ALG9: variants seen among roughly 807,000 people sequenced by gnomAD.
ALG9 encodes the protein ALG9 alpha-1,2-mannosyltransferase.
In ALG9, 55 loss-of-function variants were observed where a neutral mutation model predicts 81.8. The ratio of observed to expected loss-of-function variants is 0.67; its 90% CI spans 0.54 to 0.84. ALG9 has a LOEUF of 0.84. Ranked by LOEUF, ALG9 falls within the 40% of genes least tolerant of loss-of-function variation. The pLI, the probability that ALG9 is intolerant of heterozygous loss-of-function variation, is 0.00. For missense variants in ALG9, 629 were observed against 745.0 expected, an observed-to-expected ratio of 0.84 and a Z score of 1.81; for synonymous variants, 278 against 274.3, an observed-to-expected ratio of 1.01 and a Z score of -0.13.
At chr11:111,794,152 G>T (rs1947890687) in intron 14 of ALG9, among the ~76,000 whole-genome samples, 1 of 152,224 alleles carries the variant, frequency 6.6e-6, no homozygotes, top group African/African-American at 2.4e-5. Flanking sequence ...TTCGGCGGTG[G>T]AGATTTAAAT....
intron 13 of ALG9, among the ~76,000 whole-genome samples, chr11:111,815,693 AC>A (rs1951376380): frequency 6.6e-6 from 1 of 152,206 alleles, no homozygotes; most frequent in African/African-American, 2.4e-5. Flanking sequence ...TTTTTCTTAT[AC>A]CTCATTTTCT....
At position 111,784,583 on chromosome 11, in the gene ALG9, T is replaced by A. The variant is rs1426849365; in HGVS notation, c.*1814A>T. 6.6e-6 allele frequency: 1 copy of A among 152,218 alleles called. No homozygotes were observed. The highest frequency in any genetic ancestry group is 1.5e-5 in the Non-Finnish European group (1 of 68,072). 9.4% of individuals were successfully genotyped at this position (152,218 alleles called of 1,614,324 possible). ...AAATACATAAATTAGCTGGGCATGATGGCGCATGCCTGTAATCCCAGCTAC... is the reference window on the plus strand; with the variant it reads ...AAATACATAAATTAGCTGGGCATGAAGGCGCATGCCTGTAATCCCAGCTAC... On this transcript the variant is annotated 3_prime_UTR_variant, in exon 15 of 15. Coordinates refer to ENST00000616540, the MANE Select transcript of ALG9 (RefSeq NM_024740.2).
At chr11:111,837,805 A>T (rs1211054455) in intron 11 of ALG9, among the ~76,000 whole-genome samples, 190 bp from the exon 12 acceptor site, 2 of 152,214 alleles carry the variant, frequency 1.3e-5, no homozygotes, top group African/African-American at 2.4e-5. Context: ...CGGTTACAGC[A>T]GAGGCCCTAT....
intron 14 of ALG9, among the ~76,000 whole-genome samples, chr11:111,795,072 G>A (rs1948052001): frequency 6.6e-6 from 1 of 152,114 alleles, no homozygotes; most frequent in South Asian, 2.1e-4. Context: ...ATCCAAAAGA[G>A]GAGTTCCATG....
intron 14 of ALG9, among the ~76,000 whole-genome samples, chr11:111,805,906 G>C (rs1474290728): frequency 2.0e-5 from 3 of 152,140 alleles, no homozygotes; most frequent in Non-Finnish European, 4.4e-5. Context: ...GTTGGAGTTG[G>C]AGTGCAGTGG....
chr11:111,868,308 C>T (rs1555155199), intron 3 of ALG9, among the ~76,000 whole-genome samples: 1 of 152,140 alleles, frequency 6.6e-6, no homozygotes, highest in African/African-American at 2.4e-5. Context: ...TGTACTTTTC[C>T]TCCATAAGAC....
intron 14 of ALG9, 26 bp from the exon 15 acceptor site, chr11:111,786,546 A>G: frequency 3.7e-6 from 6 of 1,612,610 alleles, no homozygotes; most frequent in South Asian, 1.1e-5. Flanking sequence ...TAAAAAAAAG[A>G]ATTTTATCAC....
chr11:111,782,157 A>G (rs1279603323), downstream of ALG9: 4 of 152,238 alleles, frequency 2.6e-5, no homozygotes, highest in African/African-American at 4.8e-5. Flanking sequence ...GAAAGATTTA[A>G]AAGCAAAAGA....
chr11:111,870,771 T>A (rs781975461), intron 1 of ALG9: 57 of 1,009,872 alleles, frequency 5.6e-5, no homozygotes, highest in Non-Finnish European at 6.6e-5. Context: ...AACTAATCAC[T>A]CACTTGAAGG....
chr11:111,813,518 C>CT (rs1288050965), intron 13 of ALG9, among the ~76,000 whole-genome samples: 1 of 152,100 alleles, frequency 6.6e-6, no homozygotes, highest in African/African-American at 2.4e-5. Flanking sequence ...AGGAAGACTG[C>CT]TTGAGCCCAG....
Position 111,836,228 on chromosome 11 carries a change from A to ATT in ALG9, c.1538_1539insAA (p.Leu514IlefsTer11). 1 of 1,614,094 alleles carries ATT rather than the reference A, an allele frequency of 6.2e-7. No homozygotes were observed. Among genetic ancestry groups the ATT allele is most frequent in the Non-Finnish European group, 8.5e-7 (1 of 1,179,974 alleles). On this transcript the variant is annotated frameshift_variant, in exon 13 of 15. Transcript: ENST00000616540. LOFTEE classifies it high-confidence loss of function. ...CAGTAGGAACAATCCGGGTGGCCAG[A>ATT]GGTCCTTCTGCAAAAGGTTTTGGTA...
chr11:111,854,442 T>C (rs781895227), intron 6 of ALG9, among the ~76,000 whole-genome samples: 1 of 152,028 alleles, frequency 6.6e-6, no homozygotes, highest in Non-Finnish European at 1.5e-5. Context: ...CTAATTGTTT[T>C]GTATTTTTAG....
the ALG9 span, chr11:111,771,534 T>A: frequency 2.0e-5 from 3 of 152,352 alleles, no homozygotes; most frequent in East Asian, 5.8e-4. Flanking sequence ...CAAATGCTGA[T>A]CTGCTCCACA....
intron 8 of ALG9, among the ~76,000 whole-genome samples, chr11:111,846,707 A>C (rs1205147329): frequency 1.3e-5 from 2 of 152,224 alleles, no homozygotes; most frequent in African/African-American, 4.8e-5. Flanking sequence ...AAACAAGGGC[A>C]AAAGGGAACA....
At chr11:111,827,548 T>TAAG (rs1953558637) in intron 13 of ALG9, among the ~76,000 whole-genome samples, 1 of 151,278 alleles carries the variant, frequency 6.6e-6, no homozygotes, top group Non-Finnish European at 1.5e-5. Flanking sequence ...ATGAAAAGAG[T>TAAG]AAGAAACACT....
intron 10 of ALG9, among the ~76,000 whole-genome samples, chr11:111,839,750 A>G (rs915280536): frequency 6.6e-6 from 1 of 152,220 alleles, no homozygotes; most frequent in Non-Finnish European, 1.5e-5. Flanking sequence ...TCTGCAATAA[A>G]GTTCAATTAC....
rs1961505045 is a variant in ALG9 at position 111,864,298 on chromosome 11, ACAGCCCCGGC to A, written c.476+873_476+882del. 1.6e-5 allele frequency: 18 copies of A among 1,101,852 alleles called. No individual in the cohort carries two copies. In the South Asian group the frequency reaches 2.3e-4, roughly 14 times the overall value. The allele number at this position is 1,101,852 out of a possible 1,614,324, so 68.3% of individuals were successfully genotyped here. On this transcript the variant is annotated intron_variant, in intron 4 of 14. Transcript: ENST00000616540. ...TTGCCGCTATGAAGAAAGTGGTTCA[ACAGCCCCGGC>A]TGGAGGCCAGGCTCAACTGCATAAA...
intron 3 of ALG9, among the ~76,000 whole-genome samples, chr11:111,866,634 A>T (rs960218900): frequency 1.3e-5 from 2 of 151,878 alleles, no homozygotes; most frequent in African/African-American, 2.4e-5. Context: ...CACATCAGTG[A>T]TGTAACAGGA....
intron 6 of ALG9, among the ~76,000 whole-genome samples, chr11:111,856,276 C>CAAAAAAAAAA (rs1175162630): frequency 2.6e-5 from 1 of 38,574 alleles, no homozygotes; most frequent in African/African-American, 7.5e-5. Flanking sequence ...GACTCCATCT[C>CAAAAAAAAAA]AAAAAAAAAA....
Sources: allele counts gnomAD v4.1 joint callset (sites outside exome capture counted in the v4.1 genomes callset), GRCh38; gene constraint gnomAD v4.1.1; transcripts MANE v1.5; gene names NCBI Gene and HGNC (gene_info 2026-07-23, HGNC 2026-07-21).